The following PDS5B variants were observed in gnomAD, a reference collection of about 807,000 sequenced individuals.
PDS5B encodes the protein sister chromatid cohesion protein PDS5 homolog B.
Under a neutral mutation model 184.1 loss-of-function variants are expected in PDS5B, and 51 were observed. The observed-to-expected ratio is 0.28, with a 90% confidence interval of 0.22 to 0.35. The LOEUF is 0.35. PDS5B is among the 10% of genes least tolerant of loss of function. The pLI is 1.00. For synonymous variants in PDS5B, 566 were observed against 569.2 expected, an observed-to-expected ratio of 0.99 and a Z score of 0.08; for missense variants, 1,180 against 1,723.3, an observed-to-expected ratio of 0.68 and a Z score of 5.58.
At chr13:32,673,175 T>C (rs939683522) in intron 7 of PDS5B, 41 bp from the exon 8 acceptor site, 2 of 1,561,568 alleles carry the variant, frequency 1.3e-6, no homozygotes, top group African/African-American at 1.4e-5. Context: ...AACTTGTCTC[T>C]GGTTTTTCTA....
intron 34 of PDS5B, among the ~76,000 whole-genome samples, chr13:32,774,572 T>C (rs1219594392): frequency 6.6e-6 from 1 of 152,200 alleles, no homozygotes; most frequent in East Asian, 1.9e-4. Flanking sequence ...TATGTTTGAA[T>C]TTTAGGTTAT....
At chr13:32,596,701 G>T (rs1307360680) in intron 1 of PDS5B, among the ~76,000 whole-genome samples, 2 of 151,906 alleles carry the variant, frequency 1.3e-5, no homozygotes, top group Non-Finnish European at 2.9e-5. Context: ...GGTGTGGAAG[G>T]GTATCTCATT....
rs564521143 is a variant in PDS5B at position 32,760,628 on chromosome 13, C to T, written c.3426C>T (p.Gly1142=). The T allele has an allele frequency of 1.2e-6, 2 of 1,613,936 alleles. No individual in the cohort carries two copies. The highest frequency in any genetic ancestry group is 4.5e-5 in the East Asian group (2 of 44,850). Residue 1142 remains glycine (G), a synonymous_variant, in exon 30 of 35, where the codon GGC becomes GGT. Transcript: ENST00000315596. ...GAVNKPLSSA[G]KQSQTKSSRM... is the part of the protein sequence containing the mutation. ...TTAACAAGCCACTTTCATCAGCAGG[C>T]AAGCAATCTCAGACCAAATCATCAC...
Position 32,775,397 on chromosome 13 carries a change from T to C in PDS5B, c.*345T>C. ...CTTTAAACTGACAGTACCCGACTGT[T>C]TATTGGATCTATTGATTTGAAAAGA... On this transcript the variant is annotated 3_prime_UTR_variant, in exon 35 of 35. Transcript: ENST00000315596. 1 of 328,684 alleles carries C rather than the reference T, an allele frequency of 3.0e-6. No homozygotes were observed. The highest frequency in any genetic ancestry group is 5.8e-6 in the Non-Finnish European group (1 of 172,750). 20.4% of individuals were successfully genotyped at this position (328,684 alleles called of 1,614,324 possible). A position where few individuals can be genotyped will look rare whatever the true frequency, so the allele number is the denominator to read the frequency against.
chr13:32,723,123 A>G (rs1952776109), intron 19 of PDS5B, among the ~76,000 whole-genome samples: 1 of 152,236 alleles, frequency 6.6e-6, no homozygotes, highest in African/African-American at 2.4e-5. Context: ...TACACTATAC[A>G]TACACTGAGA....
At chr13:32,639,660 C>G (rs1475404133) in intron 1 of PDS5B, among the ~76,000 whole-genome samples, 1 of 152,198 alleles carries the variant, frequency 6.6e-6, no homozygotes, top group Non-Finnish European at 1.5e-5. Flanking sequence ...ACTTCTTACA[C>G]TGTTTAATTA....
intron 28 of PDS5B, among the ~76,000 whole-genome samples, chr13:32,759,372 A>T (rs1180707659): frequency 2.0e-5 from 3 of 152,162 alleles, no homozygotes; most frequent in African/African-American, 7.2e-5. Context: ...GAAGGGTGTT[A>T]TTAAAGAAGC....
At chr13:32,633,349 TATTGA>T (rs1236078920) in intron 1 of PDS5B, among the ~76,000 whole-genome samples, 1 of 152,222 alleles carries the variant, frequency 6.6e-6, no homozygotes, top group African/African-American at 2.4e-5. Flanking sequence ...GATCTAAAAC[TATTGA>T]ATTGTACACT....
At chr13:32,665,511 C>T (rs552142596) in intron 6 of PDS5B, among the ~76,000 whole-genome samples, 1 of 139,170 alleles carries the variant, frequency 7.2e-6, no homozygotes, top group South Asian at 2.3e-4. Context: ...ATGGTGTGAA[C>T]CCGGGAGGCA....
chr13:32,664,082 G>T (rs2140722595), intron 6 of PDS5B, among the ~76,000 whole-genome samples: 1 of 152,198 alleles, frequency 6.6e-6, no homozygotes, highest in Non-Finnish European at 1.5e-5. Context: ...GTATTCCATG[G>T]TGTATATATA....
At chr13:32,715,132 T>C (rs571949987) in intron 19 of PDS5B, among the ~76,000 whole-genome samples, 1 of 152,294 alleles carries the variant, frequency 6.6e-6, no homozygotes, top group South Asian at 2.1e-4. Context: ...GTCAGCGCAG[T>C]GGAAAATAAT....
intron 15 of PDS5B, among the ~76,000 whole-genome samples, chr13:32,697,229 A>T (rs1290621110): frequency 6.6e-6 from 1 of 152,224 alleles, no homozygotes; most frequent in East Asian, 1.9e-4. Flanking sequence ...TTCTTTGAAA[A>T]AATATTAATT....
intron 17 of PDS5B, among the ~76,000 whole-genome samples, chr13:32,706,500 G>A (rs112670406): frequency 0.012 from 1,900 of 152,082 alleles, 40 homozygotes; most frequent in African/African-American, 0.042. Flanking sequence ...ACAGCTGTGC[G>A]TGACACACAG....
intron 10 of PDS5B, among the ~76,000 whole-genome samples, chr13:32,680,914 T>A (rs930126237): frequency 1.3e-5 from 2 of 152,220 alleles, no homozygotes; most frequent in Admixed American, 6.5e-5. Context: ...CCCCTGCTTT[T>A]TTGCTGTTGA....
Position 32,724,766 on chromosome 13 carries a change from A to T in PDS5B, c.2124-7335A>T, listed in dbSNP as rs187387433. ...GGCTAATTTTTATGTTGTTTTGTAG[A>T]GACAGAGTTTCACCTTGTTGCCCAG... On this transcript the variant is annotated intron_variant, in intron 19 of 34. Transcript: ENST00000315596. Among the ~76,000 whole-genome samples the T allele has an allele frequency of 1.8e-4, 28 of 152,158 alleles. No individual in the cohort carries two copies. The East Asian group carries it at 5.2e-3, about 28-fold the overall frequency.
chr13:32,687,021 G>C, intron 11 of PDS5B, 113 bp from the exon 12 acceptor site: 1 of 740,222 alleles, frequency 1.4e-6, no homozygotes, highest in Non-Finnish European at 2.3e-6. Context: ...TAGTATCTGA[G>C]ACTTAAAAAA....
At chr13:32,665,588 CA>C (rs34604938) in intron 6 of PDS5B, among the ~76,000 whole-genome samples, 50 of 25,856 alleles carry the variant, frequency 1.9e-3, no homozygotes, top group East Asian at 8.8e-3. Flanking sequence ...GACTCCGACT[CA>C]AAAAAAAAAA....
In PDS5B at chr13:32,775,545, T is replaced by C. The variant is rs1954929291; in HGVS notation, c.*493T>C. Reference sequence around the variant, plus strand: ...GTCATTTTCTTGATGTCACTATTTGTTGGAGAGTTAAATGGTCTCTTCCCT... The same window carrying C: ...GTCATTTTCTTGATGTCACTATTTGCTGGAGAGTTAAATGGTCTCTTCCCT... On this transcript the variant is annotated 3_prime_UTR_variant, in exon 35 of 35. Transcript: ENST00000315596. 5.2e-6 allele frequency: 2 copies of C among 385,244 alleles called. No individual in the cohort carries two copies. The highest frequency in any genetic ancestry group is 1.0e-5 in the Non-Finnish European group (2 of 194,508). 23.9% of individuals were successfully genotyped at this position (385,244 alleles called of 1,614,324 possible).
intron 1 of PDS5B, among the ~76,000 whole-genome samples, chr13:32,615,568 G>A (rs575951938): frequency 7.2e-5 from 11 of 152,200 alleles, no homozygotes; most frequent in East Asian, 3.9e-4. Flanking sequence ...TAGTTGTGTC[G>A]TTTTTATAAT....
Sources: allele counts gnomAD v4.1 joint callset (sites outside exome capture counted in the v4.1 genomes callset), GRCh38; gene constraint gnomAD v4.1.1; transcripts MANE v1.5; gene names NCBI Gene and HGNC (gene_info 2026-07-23, HGNC 2026-07-21).